Variants in RBFOX1 observed in about 807,000 individuals in gnomAD.
RBFOX1 encodes RNA binding protein fox-1 homolog 1.
RBFOX1 carries 8 observed loss-of-function variants against 57.7 expected under a neutral mutation model. That is an observed-to-expected ratio of 0.14 (90% CI 0.08 to 0.25). The LOEUF is 0.25. RBFOX1 is among the 10% of genes least tolerant of loss of function. The pLI, the probability that RBFOX1 is intolerant of heterozygous loss-of-function variation, is 1.00. For missense variants in RBFOX1, 611 were observed against 548.5 expected, an observed-to-expected ratio of 1.11 and a Z score of -1.14; for synonymous variants, 326 against 222.4, an observed-to-expected ratio of 1.47 and a Z score of -4.15.
chr16:5,638,518 C>T lies in RBFOX1; in HGVS notation c.318+39557C>T, dbSNP rs80115493. On this transcript the variant is annotated intron_variant, in intron 3 of 19. Coordinates refer to the RBFOX1 transcript ENST00000641259. The stretch of plus-strand genomic sequence containing the variant: ...CTGCTAGGGATACTCACCTGCCACC[C>T]CCAGTCCCCAACAAACACAGTGGCA... Among the ~76,000 whole-genome samples the T allele has an allele frequency of 5.6e-3, 855 of 152,242 alleles. 8 individuals carry two copies. Among genetic ancestry groups the T allele is most frequent in the African/African-American group, 0.02 (813 of 41,530 alleles).
chr16:6,090,399 C>T lies in RBFOX1; in HGVS notation c.-127+70407C>T, dbSNP rs377397065. ...TGCTATTCTGCAGATCACATATCAT[C>T]ATCTCCACTCTTCTGAGTGTAGCAG... On this transcript the variant is annotated intron_variant, in intron 1 of 15. Transcript: ENST00000550418. Among the ~76,000 whole-genome samples the T allele has an allele frequency of 2.8e-4, 43 of 152,324 alleles. 1 individual carries two copies. The East Asian group carries it at 8.3e-3, about 29-fold the overall frequency.
At position 7,567,604 on chromosome 16, in the gene RBFOX1, TCC is replaced by T. The variant is rs2092164352; in HGVS notation, c.271-12171_271-12170del. On this transcript the variant is annotated intron_variant, in intron 5 of 15. Coordinates refer to ENST00000550418, the MANE Select transcript of RBFOX1 (RefSeq NM_018723.4). ...CCCTATATATGGCCCTATATATATA[TCC>T]CTTTATATGGCCCTATATATATATA... is the stretch of plus-strand genomic sequence containing the variant. Among the ~76,000 whole-genome samples the T allele has an allele frequency of 9.2e-5, 2 of 21,844 alleles. 1 individual carries two copies. Among genetic ancestry groups the T allele is most frequent in the African/African-American group, 2.0e-4 (2 of 9,812 alleles). The allele number at this position is 21,844 out of a possible 152,430, so 14.3% of individuals were successfully genotyped here.
chr16:5,277,728 C>T (rs1450531749), intron 1 of RBFOX1, among the ~76,000 whole-genome samples: 2 of 152,180 alleles, frequency 1.3e-5, no homozygotes, highest in African/African-American at 4.8e-5. Context: ...CTAAGCTGCT[C>T]ATATAAGTGA....
At chr16:6,095,902 C>T (rs148959853) in intron 1 of RBFOX1, among the ~76,000 whole-genome samples, 41 of 152,306 alleles carry the variant, frequency 2.7e-4, no homozygotes, top group Middle Eastern at 3.4e-3. Flanking sequence ...TGCCTTCCCA[C>T]AGGCTCCCAG....
In RBFOX1 at chr16:7,692,534, A is replaced by G. The variant is rs143133997; in HGVS notation, c.995+15696A>G. Among the ~76,000 whole-genome samples, 743 of 152,276 alleles carry G rather than the reference A, an allele frequency of 4.9e-3. 9 individuals carry two copies. The highest frequency in any genetic ancestry group is 0.017 in the African/African-American group (715 of 41,572). ...GAAAACCCAGAGCCCCTGTACTGCT[A>G]CTTTTGAGGCATTTACGAACCTAGC... On this transcript the variant is annotated intron_variant, in intron 14 of 15. Coordinates refer to ENST00000550418, the MANE Select transcript of RBFOX1 (RefSeq NM_018723.4).
chr16:6,909,742 C>T (rs921798848), intron 3 of RBFOX1, among the ~76,000 whole-genome samples: 2 of 152,116 alleles, frequency 1.3e-5, no homozygotes, highest in African/African-American at 4.8e-5. Context: ...TTGTTGGTTT[C>T]ACTTTTTTTG....
intron 2 of RBFOX1, among the ~76,000 whole-genome samples, chr16:6,600,748 C>T (rs191885940): frequency 1.3e-5 from 2 of 151,622 alleles, no homozygotes; most frequent in Non-Finnish European, 2.9e-5. Flanking sequence ...CACAGACAGA[C>T]AGTATAAGTA....
At position 7,590,088 on chromosome 16, in the gene RBFOX1, A is replaced by AC. The variant is rs556282335; in HGVS notation, c.468+2792dup. Among the ~76,000 whole-genome samples the AC allele has an allele frequency of 1.3e-4, 20 of 151,912 alleles. 1 individual carries two copies. The highest frequency in any genetic ancestry group is 9.8e-4 in the Admixed American group (15 of 15,234). ...CAAGACCAGCCTGGACAACAGTGAG[A>AC]CCCCATCTCCACAAAATAATAATTT... is the stretch of plus-strand genomic sequence containing the variant. On this transcript the variant is annotated intron_variant, in intron 7 of 15. Coordinates refer to ENST00000550418, the MANE Select transcript of RBFOX1 (RefSeq NM_018723.4).
chr16:7,341,819 CTTCCTTCCTTTT>C (rs915293510), intron 4 of RBFOX1, among the ~76,000 whole-genome samples: 2 of 127,546 alleles, frequency 1.6e-5, no homozygotes, highest in Non-Finnish European at 3.3e-5. Flanking sequence ...TCCTTCCTTC[CTTCCTTCCTTTT>C]TGAGGTGGGA....
At chr16:6,714,849 G>A (rs183440787) in intron 3 of RBFOX1, among the ~76,000 whole-genome samples, 1 of 152,184 alleles carries the variant, frequency 6.6e-6, no homozygotes, top group Admixed American at 6.5e-5. Flanking sequence ...GGCTGCGTTT[G>A]AGGTTCTGTT....
At chr16:5,628,784 T>C (rs2048417318) in intron 3 of RBFOX1, among the ~76,000 whole-genome samples, 1 of 152,192 alleles carries the variant, frequency 6.6e-6, no homozygotes, top group African/African-American at 2.4e-5. Flanking sequence ...AAATATCAAA[T>C]TTGAGCATCC....
intron 3 of RBFOX1, among the ~76,000 whole-genome samples, chr16:5,829,545 T>C (rs2151823509): frequency 6.6e-6 from 1 of 152,246 alleles, no homozygotes; most frequent in South Asian, 2.1e-4. Context: ...CAGCTGCATA[T>C]GAGGATTCTG....
rs1168067500 is a variant in RBFOX1 at position 5,909,089 on chromosome 16, C to CTTTTTTTTT, written c.351+41754_351+41755insTTTTTTTTT. On this transcript the variant is annotated intron_variant, in intron 4 of 19. Transcript: ENST00000641259. Reference sequence around the variant, plus strand: ...TATCGGCTCCAACAGACTAAGCCCCCCTTTTTTTTTTTTTTTTTTTTGAGA... The same window carrying CTTTTTTTTT: ...TATCGGCTCCAACAGACTAAGCCCCCTTTTTTTTTCTTTTTTTTTTTTTTTTTTTTGAGA... Among the ~76,000 whole-genome samples, 15 of 79,450 alleles carry CTTTTTTTTT rather than the reference C, an allele frequency of 1.9e-4. 1 individual carries two copies. The highest frequency in any genetic ancestry group is 4.7e-4 in the African/African-American group (13 of 27,504). 52.1% of individuals were successfully genotyped at this position (79,450 alleles called of 152,430 possible).
chr16:6,818,340 C>G (rs534783520), intron 3 of RBFOX1, among the ~76,000 whole-genome samples: 4 of 152,114 alleles, frequency 2.6e-5, no homozygotes, highest in Middle Eastern at 3.4e-3. Flanking sequence ...GTGTGACATA[C>G]GGAGCTCACC....
chr16:5,949,415 A>G (rs1021262366), intron 4 of RBFOX1, among the ~76,000 whole-genome samples: 5 of 150,886 alleles, frequency 3.3e-5, no homozygotes, highest in Admixed American at 6.7e-5. Flanking sequence ...AGTCCCAGCT[A>G]CTCGGGAGGC....
At chr16:6,590,803 C>A (rs923734681) in intron 2 of RBFOX1, among the ~76,000 whole-genome samples, 1 of 151,864 alleles carries the variant, frequency 6.6e-6, no homozygotes, top group Admixed American at 6.6e-5. Flanking sequence ...TATTTTGTTT[C>A]ATAATACATG....
chr16:5,497,339 T>G (rs1472137275), intron 2 of RBFOX1, among the ~76,000 whole-genome samples: 1 of 148,150 alleles, frequency 6.7e-6, no homozygotes, highest in African/African-American at 2.5e-5. Flanking sequence ...ATCGCTCTAC[T>G]CTTGAACTCA....
At chr16:6,948,225 C>T (rs992383862) in intron 3 of RBFOX1, among the ~76,000 whole-genome samples, 54 of 151,894 alleles carry the variant, frequency 3.6e-4, no homozygotes, top group African/African-American at 1.2e-3. Flanking sequence ...TGAGCTGAGG[C>T]ATTCAAGACC....
intron 10 of RBFOX1, among the ~76,000 whole-genome samples, chr16:7,608,173 C>T (rs148328600): frequency 1.3e-5 from 2 of 152,276 alleles, no homozygotes; most frequent in African/African-American, 4.8e-5. Context: ...AATAAATAAT[C>T]CGTTGACCTA....
Sources: allele counts gnomAD v4.1 joint callset (sites outside exome capture counted in the v4.1 genomes callset), GRCh38; gene constraint gnomAD v4.1.1; transcripts MANE v1.5; gene names NCBI Gene and HGNC (gene_info 2026-07-23, HGNC 2026-07-21).